Variants in KIAA1217 observed in about 807,000 individuals in gnomAD.
KIAA1217 encodes sickle tail protein homolog.
Under a neutral mutation model 163.9 loss-of-function variants are expected in KIAA1217, and 88 were observed. That is an observed-to-expected ratio of 0.54 (90% CI 0.45 to 0.64). KIAA1217 has a LOEUF of 0.64. KIAA1217 is among the 30% of genes least tolerant of loss of function. The pLI, the probability that KIAA1217 is intolerant of heterozygous loss-of-function variation, is 0.00. For missense variants in KIAA1217, 2,372 were observed against 2,475.0 expected, an observed-to-expected ratio of 0.96 and a Z score of 0.88; for synonymous variants, 903 against 923.1, an observed-to-expected ratio of 0.98 and a Z score of 0.39.
chr10:24,449,492 G>A (rs1055918053), intron 5 of KIAA1217: 1 of 985,104 alleles, frequency 1.0e-6, no homozygotes, highest in Admixed American at 6.2e-5. Flanking sequence ...CTGATTTCCG[G>A]GACAGGAAAA....
At chr10:24,148,488 G>A (rs2064444677) in intron 2 of KIAA1217, among the ~76,000 whole-genome samples, 1 of 152,134 alleles carries the variant, frequency 6.6e-6, no homozygotes, top group Admixed American at 6.5e-5. Context: ...CATGGGAGTG[G>A]ATCCCTCATG....
chr10:23,714,634 A>G (rs1470146685), intron 1 of KIAA1217, among the ~76,000 whole-genome samples: 2 of 152,078 alleles, frequency 1.3e-5, no homozygotes, highest in African/African-American at 4.8e-5. Flanking sequence ...AGATGACTAC[A>G]AAGTTTTTTT....
intron 2 of KIAA1217, among the ~76,000 whole-genome samples, chr10:24,072,595 G>A (rs560413859): frequency 7.2e-5 from 11 of 152,160 alleles, no homozygotes; most frequent in African/African-American, 2.4e-4. Flanking sequence ...TAACAAATGC[G>A]GTCAAGTAGG....
intron 2 of KIAA1217, among the ~76,000 whole-genome samples, chr10:24,069,881 C>T (rs1589384512): frequency 6.6e-6 from 1 of 151,824 alleles, no homozygotes; most frequent in Admixed American, 6.6e-5. Flanking sequence ...ATTCTGTTTC[C>T]CAGGCTGGAG....
At chr10:23,924,329 A>C (rs1262739419) in intron 1 of KIAA1217, among the ~76,000 whole-genome samples, 3 of 152,190 alleles carry the variant, frequency 2.0e-5, no homozygotes, top group Non-Finnish European at 4.4e-5. Context: ...AGGAAACTAC[A>C]ATATAACTAC....
chr10:24,044,263 C>A, intron 2 of KIAA1217, among the ~76,000 whole-genome samples: 1 of 152,158 alleles, frequency 6.6e-6, no homozygotes, highest in Admixed American at 6.5e-5. Context: ...TTGCATTAGG[C>A]TTTCACGGAA....
chr10:24,411,708 G>A (rs2057787464), intron 3 of KIAA1217, among the ~76,000 whole-genome samples: 1 of 151,832 alleles, frequency 6.6e-6, no homozygotes, highest in Non-Finnish European at 1.5e-5. Context: ...AAGAATCTGA[G>A]TCACACCTAT....
chr10:24,436,141 G>A (rs564384791), intron 4 of KIAA1217, among the ~76,000 whole-genome samples: 90 of 152,100 alleles, frequency 5.9e-4, no homozygotes, highest in Non-Finnish European at 1.1e-3. Context: ...GATTATAAGC[G>A]TGACCCACTG....
chr10:24,159,762 G>A (rs373036093), intron 2 of KIAA1217, among the ~76,000 whole-genome samples: 85 of 152,144 alleles, frequency 5.6e-4, no homozygotes, highest in African/African-American at 2.0e-3. Flanking sequence ...CAGCCTGGGC[G>A]ACAGAGCTAG....
chr10:23,967,838 T>C (rs968968132), intron 1 of KIAA1217, among the ~76,000 whole-genome samples: 1 of 152,092 alleles, frequency 6.6e-6, no homozygotes, highest in African/African-American at 2.4e-5. Flanking sequence ...TCTAATTGCT[T>C]AGGCACTTAG....
chr10:24,191,309 A>G lies in KIAA1217; in HGVS notation c.-170-28317A>G, dbSNP rs1438687461. ...ACTATTAATCTGGTCAGGAATAAGA[A>G]ACATTTAACAGGCACAATAGGAAAG... On this transcript the variant is annotated intron_variant, in intron 2 of 18. Coordinates refer to the KIAA1217 transcript ENST00000376462. 2.0e-5 allele frequency among the ~76,000 whole-genome samples: 3 copies of G among 152,356 alleles called. No homozygotes were observed. In the South Asian group the frequency reaches 6.2e-4, roughly 32 times the overall value.
chr10:23,871,084 G>A (rs889927828), intron 1 of KIAA1217, among the ~76,000 whole-genome samples: 1 of 150,892 alleles, frequency 6.6e-6, no homozygotes, highest in Non-Finnish European at 1.5e-5. Context: ...CTGTATCTTA[G>A]AGGAAACTCA....
At chr10:23,800,315 G>A (rs1403243714) in intron 1 of KIAA1217, among the ~76,000 whole-genome samples, 3 of 152,240 alleles carry the variant, frequency 2.0e-5, no homozygotes, top group South Asian at 2.1e-4. Flanking sequence ...ATAAACAACC[G>A]AGGGAGCAAA....
chr10:24,505,900 C>T (rs1416761000), intron 9 of KIAA1217, among the ~76,000 whole-genome samples: 1 of 151,980 alleles, frequency 6.6e-6, no homozygotes, highest in Non-Finnish European at 1.5e-5. Context: ...TGGAAATGTG[C>T]CAGGGTCTCA....
chr10:24,490,256 T>A (rs1234215511), intron 6 of KIAA1217, among the ~76,000 whole-genome samples: 1 of 152,248 alleles, frequency 6.6e-6, no homozygotes, highest in African/African-American at 2.4e-5. Context: ...TTTTCAACAG[T>A]AATTGTATCA....
At chr10:24,469,582 G>T (rs1458512155) in intron 5 of KIAA1217, among the ~76,000 whole-genome samples, 1 of 152,158 alleles carries the variant, frequency 6.6e-6, no homozygotes, top group Non-Finnish European at 1.5e-5. Context: ...TAGGACTGTT[G>T]TTCATACCAA....
intron 1 of KIAA1217, among the ~76,000 whole-genome samples, chr10:23,916,962 T>G (rs1237064052): frequency 8.0e-6 from 1 of 124,780 alleles, no homozygotes; most frequent in African/African-American, 3.7e-5. Flanking sequence ...CAGAGTGAGA[T>G]TCTCTCAAAA....
intron 2 of KIAA1217, among the ~76,000 whole-genome samples, chr10:24,359,432 C>A (rs533742303): frequency 3.3e-5 from 5 of 152,134 alleles, no homozygotes; most frequent in Non-Finnish European, 7.3e-5. Context: ...TTTCAAATTG[C>A]TCATAAATCT....
intron 2 of KIAA1217, among the ~76,000 whole-genome samples, chr10:24,274,668 A>G (rs1355549880): frequency 6.6e-6 from 1 of 152,158 alleles, no homozygotes; most frequent in Non-Finnish European, 1.5e-5. Context: ...GGGGAAATAC[A>G]GGGTTAGGTT....
Sources: allele counts gnomAD v4.1 joint callset (sites outside exome capture counted in the v4.1 genomes callset), GRCh38; gene constraint gnomAD v4.1.1; transcripts MANE v1.5; gene names NCBI Gene and HGNC (gene_info 2026-07-23, HGNC 2026-07-21).